The following UGT1A10 variants were observed in gnomAD, a reference collection of about 807,000 sequenced individuals.
UGT1A10 encodes the protein UDP-glucuronosyltransferase 1A10.
In UGT1A10, 49 loss-of-function variants were observed where a neutral mutation model predicts 45.8. The observed-to-expected ratio is 1.07, with a 90% confidence interval of 0.85 to 1.36. The LOEUF (loss-of-function observed/expected upper bound fraction) is 1.36, where lower values mean the gene tolerates loss of function less well. Ranked by LOEUF, UGT1A10 falls within the 40% of genes most tolerant of loss-of-function variation. UGT1A10 has a pLI of 0.00. For missense variants in UGT1A10, 745 were observed against 668.6 expected (o/e 1.11, Z -1.26); for synonymous variants, 284 against 249.7 (o/e 1.14, Z -1.29).
intron 1 of UGT1A10, among the ~76,000 whole-genome samples, chr2:233,711,994 G>A (rs28898596): frequency 0.1 from 15,482 of 152,248 alleles, 907 homozygotes; most frequent in East Asian, 0.2. Flanking sequence ...AAATTATTCT[G>A]TTCTGGAGGA....
At chr2:233,701,614 C>T (rs1194546253) in intron 1 of UGT1A10, among the ~76,000 whole-genome samples, 9 of 152,078 alleles carry the variant, frequency 5.9e-5, no homozygotes, top group East Asian at 1.9e-4. Flanking sequence ...CCTCAGCAAA[C>T]GTAAAAGAAC....
chr2:233,766,183 A>T (rs1370975589), intron 1 of UGT1A10, among the ~76,000 whole-genome samples: 1 of 152,070 alleles, frequency 6.6e-6, no homozygotes, highest in African/African-American at 2.4e-5. Flanking sequence ...TATTGAGTGG[A>T]TGTAGCTCTC....
At chr2:233,663,840 C>T (rs768345742) in intron 1 of UGT1A10, among the ~76,000 whole-genome samples, 20 of 152,084 alleles carry the variant, frequency 1.3e-4, no homozygotes, top group African/African-American at 3.4e-4. Context: ...TTTGCAAAGG[C>T]GGTTTCATTT....
At chr2:233,640,795 G>T (rs2073430857) in intron 1 of UGT1A10, among the ~76,000 whole-genome samples, 1 of 152,164 alleles carries the variant, frequency 6.6e-6, no homozygotes. Flanking sequence ...GTAGGAAGCA[G>T]TTGGAAGATG....
chr2:233,760,943 A>G (rs1487587152), intron 1 of UGT1A10: 1 of 1,614,220 alleles, frequency 6.2e-7, no homozygotes, highest in South Asian at 1.1e-5. Context: ...GCCTTTTCAC[A>G]GAACTTTCTG....
At chr2:233,763,030 G>T (rs1698223178) in intron 1 of UGT1A10, among the ~76,000 whole-genome samples, 1 of 152,142 alleles carries the variant, frequency 6.6e-6, no homozygotes, top group South Asian at 2.1e-4. Flanking sequence ...GTTAGCCATT[G>T]TTTTCTGAAC....
intron 1 of UGT1A10, among the ~76,000 whole-genome samples, chr2:233,715,257 C>G (rs193085198): frequency 6.6e-6 from 1 of 152,042 alleles, no homozygotes; most frequent in Admixed American, 6.5e-5. Flanking sequence ...TTAAAAAATC[C>G]CCTTACATAA....
intron 1 of UGT1A10, among the ~76,000 whole-genome samples, chr2:233,665,669 T>C (rs1392737262): frequency 6.6e-6 from 1 of 152,208 alleles, no homozygotes; most frequent in African/African-American, 2.4e-5. Flanking sequence ...TCTGTAATAA[T>C]TGGCTGACCC....
At chr2:233,691,686 G>A (rs1176171768) in intron 1 of UGT1A10, 5 of 955,192 alleles carry the variant, frequency 5.2e-6, no homozygotes, top group East Asian at 1.2e-4. Context: ...GAAACCTGAA[G>A]CTCAGGAGAG....
intron 1 of UGT1A10, among the ~76,000 whole-genome samples, chr2:233,687,779 G>A (rs2074862793): frequency 6.6e-6 from 1 of 151,972 alleles, no homozygotes; most frequent in Admixed American, 6.6e-5. Context: ...GGTGGCATAT[G>A]CCTGTGGTCC....
rs34358487 is a variant in UGT1A10, at chr2:233,769,432, CAT to C, written c.1295+994_1295+995del. The C allele has an allele frequency of 1.6e-5, 25 of 1,545,990 alleles. No homozygotes were observed. In the East Asian group the frequency reaches 1.8e-4, roughly 11 times the overall value. ...GTGCGTTTGTGCATGTGGCTGTGCT[CAT>C]GTGTGGGTGCACACGTGTGCATTCA... On this transcript the variant is annotated intron_variant, in intron 4 of 4. Coordinates refer to ENST00000344644, the MANE Select transcript of UGT1A10 (RefSeq NM_019075.4). The surrounding 1 kb of genome is among the most constrained non-coding windows in gnomAD (Gnocchi z 4.4).
intron 1 of UGT1A10, among the ~76,000 whole-genome samples, chr2:233,749,606 T>A (rs1054542224): frequency 2.6e-5 from 4 of 151,906 alleles, no homozygotes; most frequent in Admixed American, 2.6e-4. Context: ...CACACTAGAT[T>A]TATCATGATT....
Position 233,724,346 on chromosome 2 carries a change from C to G in UGT1A10, c.856-42688C>G, listed in dbSNP as rs1441595042. On this transcript the variant is annotated intron_variant, in intron 1 of 4. Coordinates refer to ENST00000344644, the MANE Select transcript of UGT1A10 (RefSeq NM_019075.4). ...CTGGCCAGGCGGGGGGCTGACCCCC[C>G]CCACCTCCCTCCCGGACGGGGTGGC... 6.3e-4 allele frequency among the ~76,000 whole-genome samples: 93 copies of G among 148,184 alleles called. 1 individual carries two copies. The highest frequency in any genetic ancestry group is 1.0e-3 in the Non-Finnish European group (69 of 66,790).
chr2:233,699,825 A>T (rs556434145), intron 1 of UGT1A10, among the ~76,000 whole-genome samples: 2 of 152,202 alleles, frequency 1.3e-5, no homozygotes, highest in Non-Finnish European at 2.9e-5. Flanking sequence ...GTAGTTCTCA[A>T]ATAGAACTAA....
chr2:233,679,033 T>C (rs1223695285), intron 1 of UGT1A10, among the ~76,000 whole-genome samples: 1 of 152,234 alleles, frequency 6.6e-6, no homozygotes, highest in Admixed American at 6.5e-5. Flanking sequence ...TTCTGGACTT[T>C]CATGACATTC....
intron 1 of UGT1A10, among the ~76,000 whole-genome samples, chr2:233,707,993 G>A (rs993709238): frequency 1.3e-5 from 2 of 152,098 alleles, no homozygotes; most frequent in African/African-American, 2.4e-5. Context: ...TTGTCTACTC[G>A]AATTATGTAT....
chr2:233,713,285 A>T, intron 1 of UGT1A10: 1 of 1,614,230 alleles, frequency 6.2e-7, no homozygotes. Context: ...GTCACACTCA[A>T]TCGTTCTTTG....
rs115421913 is a variant in UGT1A10, at chr2:233,687,928, T to C, written c.855+50551T>C. On this transcript the variant is annotated intron_variant, in intron 1 of 4. Transcript: ENST00000344644. ...GTCTCAAAATAAATAAATCAATAAA[T>C]ACATGAATAAATAAAATTTAAAAAT... Among the ~76,000 whole-genome samples, 670 of 152,294 alleles carry C rather than the reference T, an allele frequency of 4.4e-3. 8 individuals are homozygous for C. Among genetic ancestry groups the C allele is most frequent in the African/African-American group, 0.015 (635 of 41,574 alleles).
chr2:233,665,086 A>G (rs2074045254), intron 1 of UGT1A10, among the ~76,000 whole-genome samples: 1 of 152,224 alleles, frequency 6.6e-6, no homozygotes, highest in African/African-American at 2.4e-5. Flanking sequence ...TCTAATGCAT[A>G]TTCTCACACC....
Sources: allele counts gnomAD v4.1 joint callset (sites outside exome capture counted in the v4.1 genomes callset), GRCh38; gene constraint gnomAD v4.1.1; non-coding constraint Gnocchi (gnomAD v3.1); transcripts MANE v1.5; gene names NCBI Gene and HGNC (gene_info 2026-07-23, HGNC 2026-07-21).